The following EPHA3 variants were observed in gnomAD, a reference collection of about 807,000 sequenced individuals.
The protein encoded by EPHA3 is ephrin type-A receptor 3.
A neutral mutation model predicts 107.1 loss-of-function variants in EPHA3; 42 were observed. The observed-to-expected ratio is 0.39, with a 90% CI of 0.31 to 0.51. The LOEUF (loss-of-function observed/expected upper bound fraction) is 0.51. Among genes scored for constraint, EPHA3 ranks in the 20% least tolerant of loss-of-function variants. The pLI is 0.78. For synonymous variants in EPHA3, 461 were observed against 424.8 expected (o/e 1.09, Z -1.05); for missense variants, 1,183 against 1,211.2 (o/e 0.98, Z 0.35).
intron 1 of EPHA3, among the ~76,000 whole-genome samples, chr3:89,125,231 G>A (rs1704069928): frequency 6.6e-6 from 1 of 151,692 alleles, no homozygotes; most frequent in Non-Finnish European, 1.5e-5. Flanking sequence ...TAAGGACATT[G>A]CAAATATAAT....
intron 13 of EPHA3, 21 bp from the exon 14 acceptor site, chr3:89,449,204 G>C (rs758704148): frequency 6.3e-7 from 1 of 1,594,340 alleles, no homozygotes; most frequent in Non-Finnish European, 8.6e-7. Flanking sequence ...GATTTATGTA[G>C]ACATGATTTT....
chr3:89,180,386 A>G (rs1157739287), intron 2 of EPHA3, among the ~76,000 whole-genome samples: 1 of 151,956 alleles, frequency 6.6e-6, no homozygotes, highest in African/African-American at 2.4e-5. Flanking sequence ...GTCTGTGTGT[A>G]TTCAGTTCCC....
rs1576192305 is a variant in EPHA3, at chr3:89,158,755, T to A, written c.153+31482T>A. 2.0e-5 allele frequency among the ~76,000 whole-genome samples: 3 copies of A among 152,232 alleles called. No individual in the cohort carries two copies. The East Asian group carries it at 5.8e-4, about 30-fold the overall frequency. On this transcript the variant is annotated intron_variant, in intron 2 of 16. Coordinates refer to ENST00000336596, the MANE Select transcript of EPHA3 (RefSeq NM_005233.6). ...CAACATTCAAAGGACCCCAATGTGC[T>A]AAGGAGCATTCTTAATAAACAGTGC... is the stretch of plus-strand genomic sequence containing the variant.
chr3:89,284,460 T>C (rs1706029872), intron 3 of EPHA3, among the ~76,000 whole-genome samples: 2 of 152,142 alleles, frequency 1.3e-5, no homozygotes, highest in South Asian at 2.1e-4. Flanking sequence ...ATCAGTTATA[T>C]AATCTTAAGT....
intron 5 of EPHA3, among the ~76,000 whole-genome samples, chr3:89,393,099 T>A (rs533534015): frequency 3.5e-4 from 54 of 152,288 alleles, no homozygotes; most frequent in African/African-American, 1.3e-3. Context: ...GTTGAACTTT[T>A]CTGAAATGCA....
At chr3:89,341,439 C>G (rs1426403131) in intron 4 of EPHA3, among the ~76,000 whole-genome samples, 1 of 152,138 alleles carries the variant, frequency 6.6e-6, no homozygotes, top group Non-Finnish European at 1.5e-5. Context: ...GGAAAAAGGA[C>G]TAAGAGTTAT....
intron 7 of EPHA3, chr3:89,400,064 A>ATT: frequency 9.7e-7 from 1 of 1,030,190 alleles, no homozygotes; most frequent in Non-Finnish European, 1.2e-6. Context: ...TTTCAAATGA[A>ATT]TTTTCTTCAT....
rs1704922939 is a variant in EPHA3 at position 89,160,936 on chromosome 3, A to T, written c.153+33663A>T. Among the ~76,000 whole-genome samples the T allele has an allele frequency of 1.3e-5, 2 of 152,112 alleles. 1 individual carries two copies. The highest frequency in any genetic ancestry group is 1.3e-4 in the Admixed American group (2 of 15,262). On this transcript the variant is annotated intron_variant, in intron 2 of 16. Coordinates refer to ENST00000336596, the MANE Select transcript of EPHA3 (RefSeq NM_005233.6). The stretch of plus-strand genomic sequence containing the variant: ...CTAAGAAATTATTGAGGTTTTGCTT[A>T]TGTTGGTTATGTGTGTAAATATTTA...
At chr3:89,460,399 G>C (rs1710199438) in intron 15 of EPHA3, among the ~76,000 whole-genome samples, 1 of 152,134 alleles carries the variant, frequency 6.6e-6, no homozygotes, top group South Asian at 2.1e-4. Context: ...TTTAGAACAA[G>C]GTTCTGCAGA....
In EPHA3 at chr3:89,450,205, G is replaced by A. The variant is rs758183213; in HGVS notation, c.2525G>A (p.Arg842Gln). 3.1e-6 allele frequency: 5 copies of A among 1,607,428 alleles called. No individual in the cohort carries two copies. Among genetic ancestry groups the A allele is most frequent in the East Asian group, 2.2e-5 (1 of 44,630 alleles). ...DVIKAVDEGY[R>Q]LPPPMDCPAA... ...ATTAAAGCTGTAGATGAGGGCTATCGACTGCCACCCCCCATGGACTGCCCA... is the reference window on the plus strand; with the variant it reads ...ATTAAAGCTGTAGATGAGGGCTATCAACTGCCACCCCCCATGGACTGCCCA... Residue 842 changes from arginine (R) to glutamine (Q), a missense_variant, in exon 15 of 17, where the codon CGA becomes CAA. Transcript: ENST00000336596.
chr3:89,267,066 C>T (rs1343956915), intron 3 of EPHA3, among the ~76,000 whole-genome samples: 3 of 152,010 alleles, frequency 2.0e-5, no homozygotes, highest in African/African-American at 7.2e-5. Context: ...GAGCATAAGA[C>T]AATTTGCAGA....
At chr3:89,310,607 T>A (rs1231491719) in intron 3 of EPHA3, among the ~76,000 whole-genome samples, 1 of 151,914 alleles carries the variant, frequency 6.6e-6, no homozygotes, top group African/African-American at 2.4e-5. Context: ...CACAGTCTGT[T>A]AAGTAAGTCT....
At chr3:89,107,858 A>T (rs2106932936) in intron 1 of EPHA3, 22 bp downstream of exon 1, 1 of 1,610,858 alleles carries the variant, frequency 6.2e-7, no homozygotes, top group Non-Finnish European at 8.5e-7. Flanking sequence ...ACCGCGACGC[A>T]CGGAGCTCTG....
intron 3 of EPHA3, among the ~76,000 whole-genome samples, chr3:89,241,901 C>A (rs2107245527): frequency 6.6e-6 from 1 of 152,008 alleles, no homozygotes. Flanking sequence ...CCTCTCAGCC[C>A]CGAGATTAAG....
intron 3 of EPHA3, among the ~76,000 whole-genome samples, chr3:89,264,713 T>C (rs1275729177): frequency 6.6e-6 from 1 of 152,158 alleles, no homozygotes; most frequent in African/African-American, 2.4e-5. Context: ...CATAGGTCTA[T>C]GCTTGCCACA....
intron 3 of EPHA3, among the ~76,000 whole-genome samples, chr3:89,327,106 C>T (rs745856869): frequency 2.0e-5 from 3 of 151,988 alleles, no homozygotes; most frequent in Non-Finnish European, 2.9e-5. Context: ...AGTGCACTTA[C>T]CTTATCTATC....
intron 5 of EPHA3, among the ~76,000 whole-genome samples, chr3:89,371,131 A>G (rs1427444161): frequency 6.6e-6 from 1 of 151,632 alleles, no homozygotes; most frequent in Non-Finnish European, 1.5e-5. Flanking sequence ...ATTTGTGTTT[A>G]AAAAATTCTT....
chr3:89,229,625 A>C (rs997105546), intron 3 of EPHA3, among the ~76,000 whole-genome samples: 1 of 151,662 alleles, frequency 6.6e-6, no homozygotes, highest in African/African-American at 2.4e-5. Context: ...TGCAGGCTTA[A>C]AGCATCAAAA....
intron 3 of EPHA3, among the ~76,000 whole-genome samples, chr3:89,287,592 A>G (rs1262746326): frequency 6.6e-6 from 1 of 152,152 alleles, no homozygotes; most frequent in Non-Finnish European, 1.5e-5. Flanking sequence ...TATACAGGCA[A>G]GAAGTTAATT....
Sources: allele counts gnomAD v4.1 joint callset (sites outside exome capture counted in the v4.1 genomes callset), GRCh38; gene constraint gnomAD v4.1.1; transcripts MANE v1.5; gene names NCBI Gene and HGNC (gene_info 2026-07-23, HGNC 2026-07-21).